The following FOXP2 variants were observed in gnomAD, a reference collection of about 807,000 sequenced individuals.
The protein encoded by FOXP2 is forkhead box P2, also known as forkhead box protein P2.
Under a neutral mutation model 115.8 loss-of-function variants are expected in FOXP2, and 12 were observed. The observed-to-expected ratio is 0.10, with a 90% CI of 0.07 to 0.17. The LOEUF is 0.17. FOXP2 is among the 10% of genes least tolerant of loss of function. FOXP2 has a pLI of 1.00. For missense variants in FOXP2, 629 were observed against 843.5 expected (o/e 0.75, Z 3.15); for synonymous variants, 328 against 297.7 (o/e 1.10, Z -1.05).
At chr7:114,360,160 A>G (rs1791711709) in intron 2 of FOXP2, among the ~76,000 whole-genome samples, 1 of 152,170 alleles carries the variant, frequency 6.6e-6, no homozygotes, top group South Asian at 2.1e-4. Flanking sequence ...ATAGTTTTAT[A>G]AAGGGCAGTT....
At chr7:114,556,413 C>A (rs931841674) in intron 3 of FOXP2, among the ~76,000 whole-genome samples, 1 of 152,164 alleles carries the variant, frequency 6.6e-6, no homozygotes, top group Non-Finnish European at 1.5e-5. Flanking sequence ...AGAAAAGGAA[C>A]TACCACATCC....
chr7:114,176,294 TTCTTTCTCTC>T (rs1188775261), intron 1 of FOXP2, among the ~76,000 whole-genome samples: 10 of 49,380 alleles, frequency 2.0e-4, no homozygotes, highest in South Asian at 1.2e-3. Context: ...CTTTCTTTCT[TTCTTTCTCTC>T]TCTCTCTCTC....
chr7:114,543,375 T>TA (rs1212217438), intron 3 of FOXP2, among the ~76,000 whole-genome samples: 1 of 151,942 alleles, frequency 6.6e-6, no homozygotes, highest in Non-Finnish European at 1.5e-5. Context: ...ATCCTCAAAT[T>TA]AAAAAAAATT....
chr7:114,363,365 G>A (rs1019942863), intron 2 of FOXP2, among the ~76,000 whole-genome samples: 12 of 152,236 alleles, frequency 7.9e-5, no homozygotes, highest in African/African-American at 2.6e-4. Flanking sequence ...CAAAATATCT[G>A]ACATAGGATT....
At position 114,509,669 on chromosome 7, in the gene FOXP2, G is replaced by GT. The variant is rs994204990; in HGVS notation, c.169-24947dup. 8.0e-5 allele frequency among the ~76,000 whole-genome samples: 9 copies of GT among 112,170 alleles called. No individual in the cohort carries two copies. The East Asian group carries it at 1.5e-3, about 19-fold the overall frequency. The allele number at this position is 112,170 out of a possible 152,430, so 73.6% of individuals were successfully genotyped here. On this transcript the variant is annotated intron_variant, in intron 2 of 16. Coordinates refer to ENST00000350908, the MANE Select transcript of FOXP2 (RefSeq NM_014491.4). Reference sequence around the variant, plus strand: ...TGTTTGTTTTGTTTTGTTTTCTTTGGTGGGGGGGGGGCTTGTTAATAAGGA... The same window carrying GT: ...TGTTTGTTTTGTTTTGTTTTCTTTGGTTGGGGGGGGGGCTTGTTAATAAGGA...
chr7:114,661,945 A>T, intron 13 of FOXP2, 120 bp from the exon 14 acceptor site: 21 of 1,266,084 alleles, frequency 1.7e-5, no homozygotes, highest in Non-Finnish European at 2.2e-5. Flanking sequence ...TTTGATTTTA[A>T]TACTTAAACA....
chr7:114,458,300 A>G (rs1272092335), intron 2 of FOXP2, among the ~76,000 whole-genome samples: 4 of 152,198 alleles, frequency 2.6e-5, no homozygotes, highest in Admixed American at 2.0e-4. Context: ...TTGTATTTCA[A>G]TATACTTTTT....
At chr7:114,635,756 T>C (rs930970106) in intron 6 of FOXP2, among the ~76,000 whole-genome samples, 13 of 152,144 alleles carry the variant, frequency 8.5e-5, no homozygotes, top group African/African-American at 3.1e-4. Flanking sequence ...AAAGTTTTAT[T>C]TGGCAATTCT....
At chr7:114,265,239 C>A (rs1057285639) in intron 1 of FOXP2, among the ~76,000 whole-genome samples, 1 of 152,256 alleles carries the variant, frequency 6.6e-6, no homozygotes, top group East Asian at 1.9e-4. Flanking sequence ...TTCCAAGATA[C>A]AATGGGGGTA....
At chr7:114,645,886 A>G (rs920198866) in intron 8 of FOXP2, 1 of 152,070 alleles carries the variant, frequency 6.6e-6, no homozygotes, top group African/African-American at 2.4e-5. Context: ...TAACTAATTA[A>G]GAGAAAATTT....
intron 1 of FOXP2, among the ~76,000 whole-genome samples, chr7:114,154,599 C>T (rs897276409): frequency 2.6e-5 from 4 of 152,022 alleles, no homozygotes; most frequent in African/African-American, 9.7e-5. Context: ...ATGTGAACTT[C>T]AAAGTGTTAT....
chr7:114,333,941 G>C (rs1169596231), intron 2 of FOXP2, among the ~76,000 whole-genome samples: 5 of 150,918 alleles, frequency 3.3e-5, no homozygotes, highest in Non-Finnish European at 7.4e-5. Flanking sequence ...AAAGTTCTCT[G>C]TAGCTTCTTC....
At chr7:114,547,265 T>G (rs994210397) in intron 3 of FOXP2, among the ~76,000 whole-genome samples, 2 of 152,222 alleles carry the variant, frequency 1.3e-5, no homozygotes, top group Admixed American at 6.5e-5. Context: ...ATTTTCTTCT[T>G]TGATTATATC....
chr7:114,185,284 A>G (rs563298884), intron 1 of FOXP2, among the ~76,000 whole-genome samples: 2 of 152,128 alleles, frequency 1.3e-5, no homozygotes, highest in South Asian at 4.2e-4. Context: ...AATTATTGCC[A>G]ATCTAGTATT....
At chr7:114,297,697 T>C (rs561054756) in intron 2 of FOXP2, among the ~76,000 whole-genome samples, 1 of 152,290 alleles carries the variant, frequency 6.6e-6, no homozygotes, top group East Asian at 1.9e-4. Context: ...TGACTATTTT[T>C]CCTCCATGGG....
At chr7:114,100,934 A>G (rs909368580) in intron 1 of FOXP2, among the ~76,000 whole-genome samples, 9 of 152,198 alleles carry the variant, frequency 5.9e-5, no homozygotes, top group African/African-American at 1.9e-4. Flanking sequence ...CAGATTGTCA[A>G]CTGTGAAGGG....
At chr7:114,146,555 A>G (rs1792374623) in intron 1 of FOXP2, among the ~76,000 whole-genome samples, 1 of 152,172 alleles carries the variant, frequency 6.6e-6, no homozygotes, top group Non-Finnish European at 1.5e-5. Flanking sequence ...GATCAGGGAT[A>G]TTGCTTTAGG....
At chr7:114,310,227 T>G (rs954140765) in intron 2 of FOXP2, among the ~76,000 whole-genome samples, 1 of 152,112 alleles carries the variant, frequency 6.6e-6, no homozygotes, top group African/African-American at 2.4e-5. Flanking sequence ...AGGGACCAAT[T>G]GAGTTAGCAG....
At chr7:114,410,078 G>T (rs1337862959), upstream of FOXP2, among the ~76,000 whole-genome samples, 1 of 152,108 alleles carries the variant, frequency 6.6e-6, no homozygotes, top group African/African-American at 2.4e-5. Context: ...TTGGGGGGCA[G>T]TTCCAATACT....
Sources: allele counts gnomAD v4.1 joint callset (sites outside exome capture counted in the v4.1 genomes callset), GRCh38; gene constraint gnomAD v4.1.1; transcripts MANE v1.5; gene names NCBI Gene and HGNC (gene_info 2026-07-23, HGNC 2026-07-21).